Variants in CSMD1 observed in about 807,000 individuals in gnomAD.
The protein encoded by CSMD1 is CUB and Sushi multiple domains 1, also known as CUB and sushi domain-containing protein 1.
A neutral mutation model predicts 417.5 loss-of-function variants in CSMD1; 213 were observed. That is an observed-to-expected ratio of 0.51 (90% CI 0.46 to 0.57). CSMD1 has a LOEUF of 0.57. CSMD1 is among the 20% of genes least tolerant of loss of function. The pLI is 0.00. For synonymous variants in CSMD1, 2,862 were observed against 1,736.8 expected (o/e 1.65, Z -16.11); for missense variants, 6,923 against 4,529.7 (o/e 1.53, Z -15.17).
chr8:3,940,689 A>G (rs1044472837), intron 5 of CSMD1, among the ~76,000 whole-genome samples: 6 of 151,916 alleles, frequency 3.9e-5, no homozygotes, highest in Non-Finnish European at 1.5e-5. Flanking sequence ...TAACATACCT[A>G]CATTGCTTTT....
chr8:4,740,533 T>C (rs1426538461), intron 1 of CSMD1, among the ~76,000 whole-genome samples: 1 of 152,194 alleles, frequency 6.6e-6, no homozygotes, highest in African/African-American at 2.4e-5. Flanking sequence ...CAAATATGGA[T>C]AAGACTCATG....
intron 29 of CSMD1, 96 bp from the exon 30 acceptor site, chr8:3,214,787 G>C: frequency 1.1e-6 from 1 of 924,210 alleles, no homozygotes; most frequent in African/African-American, 1.7e-5. Flanking sequence ...GTGTTATTTA[G>C]GGCCTAGAAC....
intron 1 of CSMD1, among the ~76,000 whole-genome samples, chr8:4,903,964 ATCT>A (rs1805066963): frequency 6.6e-6 from 1 of 152,204 alleles, no homozygotes. Context: ...ATTTAAATAA[ATCT>A]TCTCATAAAG....
At chr8:3,656,388 CT>C (rs142662430) in intron 7 of CSMD1, among the ~76,000 whole-genome samples, 25 of 151,782 alleles carry the variant, frequency 1.6e-4, no homozygotes, top group African/African-American at 5.1e-4. Flanking sequence ...CCTGCTTTCT[CT>C]TTTTTTTTCC....
At chr8:3,450,452 C>G (rs1043869935) in intron 12 of CSMD1, among the ~76,000 whole-genome samples, 1 of 147,416 alleles carries the variant, frequency 6.8e-6, no homozygotes, top group Admixed American at 6.8e-5. Context: ...CTAAAGCTAT[C>G]CCTCCCCCCT....
intron 1 of CSMD1, among the ~76,000 whole-genome samples, chr8:4,637,994 A>T (rs576834102): frequency 6.6e-6 from 1 of 152,294 alleles, no homozygotes; most frequent in African/African-American, 2.4e-5. Flanking sequence ...AACATTTTAT[A>T]ATTCTTGCAC....
chr8:3,363,918 C>G (rs1809379408), intron 20 of CSMD1, among the ~76,000 whole-genome samples: 1 of 152,118 alleles, frequency 6.6e-6, no homozygotes, highest in Admixed American at 6.5e-5. Flanking sequence ...TCTAAGCCAA[C>G]TGGAATACGG....
At chr8:3,328,087 A>C (rs1806651086) in intron 23 of CSMD1, among the ~76,000 whole-genome samples, 1 of 152,146 alleles carries the variant, frequency 6.6e-6, no homozygotes, top group Non-Finnish European at 1.5e-5. Context: ...ACTCACAATG[A>C]GGGCATCCTG....
chr8:3,616,155 G>T (rs754270135), intron 8 of CSMD1, among the ~76,000 whole-genome samples: 3 of 151,994 alleles, frequency 2.0e-5, no homozygotes, highest in Non-Finnish European at 4.4e-5. Flanking sequence ...TACATGGTTT[G>T]GCTCTGTCCC....
At chr8:3,162,362 C>A in intron 37 of CSMD1, 85 bp from the exon 38 acceptor site, 1 of 856,070 alleles carries the variant, frequency 1.2e-6, no homozygotes, top group South Asian at 1.5e-5. Context: ...ATTTCTATTG[C>A]TCTCCTTCTG....
chr8:4,239,758 G>T (rs994085188), intron 3 of CSMD1, among the ~76,000 whole-genome samples: 4 of 152,146 alleles, frequency 2.6e-5, no homozygotes, highest in African/African-American at 7.2e-5. Flanking sequence ...TCTTAATGAT[G>T]ACAATGGTCT....
chr8:4,813,641 A>G (rs778843902), intron 1 of CSMD1, among the ~76,000 whole-genome samples: 1 of 152,248 alleles, frequency 6.6e-6, no homozygotes, highest in Non-Finnish European at 1.5e-5. Context: ...CAGAGCTGTA[A>G]TAACATCAAT....
chr8:3,262,240 T>C (rs544930892), intron 26 of CSMD1, among the ~76,000 whole-genome samples: 170 of 97,916 alleles, frequency 1.7e-3, no homozygotes, highest in South Asian at 8.2e-3. Flanking sequence ...TACACACACA[T>C]AGTTAATTTC....
chr8:3,005,802 C>T (rs1807838707), intron 52 of CSMD1, among the ~76,000 whole-genome samples: 1 of 152,080 alleles, frequency 6.6e-6, no homozygotes, highest in South Asian at 2.1e-4. Context: ...ATGACAAACC[C>T]ACAGCCAATA....
chr8:3,669,317 G>A (rs1359916688), intron 7 of CSMD1, among the ~76,000 whole-genome samples: 1 of 152,128 alleles, frequency 6.6e-6, no homozygotes, highest in Admixed American at 6.5e-5. Context: ...GTTTGTGTGA[G>A]CAATTATTTC....
At chr8:3,063,078 G>A (rs184620012) in intron 49 of CSMD1, among the ~76,000 whole-genome samples, 256 of 152,192 alleles carry the variant, frequency 1.7e-3, no homozygotes, top group Admixed American at 4.3e-3. Context: ...AGAGTCCCAG[G>A]CTCACTAAGC....
chr8:4,789,050 T>G (rs1413346467), intron 1 of CSMD1, among the ~76,000 whole-genome samples: 2 of 152,198 alleles, frequency 1.3e-5, no homozygotes, highest in Admixed American at 1.3e-4. Flanking sequence ...CCACAGTTTA[T>G]TTATTCAACT....
At chr8:4,402,936 T>A (rs532895843) in intron 3 of CSMD1, among the ~76,000 whole-genome samples, 5 of 151,080 alleles carry the variant, frequency 3.3e-5, no homozygotes, top group Admixed American at 2.0e-4. Flanking sequence ...TCTCCTGTCT[T>A]AGCCTCCTGA....
chr8:3,344,060 T>G (rs13254900), intron 22 of CSMD1, among the ~76,000 whole-genome samples: 1 of 152,056 alleles, frequency 6.6e-6, no homozygotes, highest in African/African-American at 2.4e-5. Flanking sequence ...TGTGGCATTA[T>G]CTTCCCAAGC....
Sources: gnomAD v4.1 joint callset for allele counts (sites outside exome capture counted in the v4.1 genomes callset) on GRCh38, gnomAD v4.1.1 for gene constraint, MANE v1.5 for transcripts, NCBI Gene and HGNC (gene_info 2026-07-23, HGNC 2026-07-21) for gene names.